The following VPS13A variants were observed in gnomAD, a reference collection of about 807,000 sequenced individuals.
The protein encoded by VPS13A is intermembrane lipid transfer protein VPS13A.
Under a neutral mutation model 390.9 loss-of-function variants are expected in VPS13A, and 264 were observed. The ratio of observed to expected loss-of-function variants is 0.68; its 90% CI spans 0.61 to 0.75. The LOEUF (loss-of-function observed/expected upper bound fraction) is 0.75. Ranked by LOEUF, VPS13A falls within the 30% of genes least tolerant of loss-of-function variation. The pLI is 0.00. For synonymous variants in VPS13A, 1,231 were observed against 1,227.1 expected, an observed-to-expected ratio of 1.00 and a Z score of -0.07; for missense variants, 3,409 against 3,733.9, an observed-to-expected ratio of 0.91 and a Z score of 2.27.
At chr9:77,412,952 A>G (rs1378458721) in intron 71 of VPS13A, among the ~76,000 whole-genome samples, 1 of 152,148 alleles carries the variant, frequency 6.6e-6, no homozygotes, top group South Asian at 2.1e-4. Context: ...TTATACACCA[A>G]TAACAGACAG....
intron 10 of VPS13A, 107 bp from the exon 11 acceptor site, chr9:77,219,846 GA>G (rs1823087330): frequency 8.7e-7 from 1 of 1,149,844 alleles, no homozygotes; most frequent in African/African-American, 1.5e-5. Context: ...GGGAACTGTA[GA>G]AGGGGTATAA....
chr9:77,376,554 AAG>A (rs1388423330), intron 67 of VPS13A, among the ~76,000 whole-genome samples: 3 of 152,252 alleles, frequency 2.0e-5, no homozygotes, highest in Non-Finnish European at 2.9e-5. Flanking sequence ...ATATGAAAGA[AAG>A]AGAATCGTGA....
At position 77,191,603 on chromosome 9, in the gene VPS13A, G is replaced by A. The variant is rs144674268; in HGVS notation, c.101-8342G>A. Among the ~76,000 whole-genome samples the A allele has an allele frequency of 6.7e-3, 1,019 of 152,190 alleles. 7 individuals are homozygous for A. The highest frequency in any genetic ancestry group is 0.014 in the Middle Eastern group (4 of 294). On this transcript the variant is annotated intron_variant, in intron 1 of 71. Coordinates refer to ENST00000360280, the MANE Select transcript of VPS13A (RefSeq NM_033305.3). ...CATGAGCCACCGTGCCTGGCCCAAAGAATTTCTGGATTTCAGTGAAATTAA... is the reference window on the plus strand; with the variant it reads ...CATGAGCCACCGTGCCTGGCCCAAAAAATTTCTGGATTTCAGTGAAATTAA...
Position 77,221,361 on chromosome 9 carries a change from G to A in VPS13A, c.1161+5G>A. The A allele has an allele frequency of 6.2e-7, 1 of 1,612,026 alleles. No individual in the cohort carries two copies. Among genetic ancestry groups the A allele is most frequent in the Non-Finnish European group, 8.5e-7 (1 of 1,179,134 alleles). On this transcript the variant is annotated splice_donor_5th_base_variant and intron_variant, in intron 13 of 71. Transcript: ENST00000360280. ...GAACTTCTCGTGTCTTTGGAGGTTA[G>A]CATTTAAAATGAAATTGTTGAGTGT...
At chr9:77,302,368 C>CTTTTTTTTTTTTT (rs58598132) in intron 33 of VPS13A, among the ~76,000 whole-genome samples, 1 of 117,816 alleles carries the variant, frequency 8.5e-6, no homozygotes. Flanking sequence ...TATTTTTCCC[C>CTTTTTTTTTTTTT]TTTTTTTTTT....
At chr9:77,234,989 G>A (rs148900769) in intron 17 of VPS13A, among the ~76,000 whole-genome samples, 1 of 152,118 alleles carries the variant, frequency 6.6e-6, no homozygotes, top group African/African-American at 2.4e-5. Flanking sequence ...ACAAATTACT[G>A]CTTTACATAC....
chr9:77,232,988 A>C (rs920996621), intron 17 of VPS13A, among the ~76,000 whole-genome samples: 5 of 152,216 alleles, frequency 3.3e-5, no homozygotes, highest in South Asian at 2.1e-4. Context: ...AAGTTTTACT[A>C]TACTAAAGTT....
At chr9:77,294,314 G>A (rs1827851084) in intron 32 of VPS13A, among the ~76,000 whole-genome samples, 1 of 152,120 alleles carries the variant, frequency 6.6e-6, no homozygotes, top group African/African-American at 2.4e-5. Context: ...AGGCATTTCG[G>A]TTCTTATTTC....
At chr9:77,282,955 C>T (rs1239053314) in intron 29 of VPS13A, among the ~76,000 whole-genome samples, 2 of 137,752 alleles carry the variant, frequency 1.5e-5, no homozygotes, top group African/African-American at 5.5e-5. Flanking sequence ...GACTCTGTTT[C>T]GAAAAAAAAA....
At chr9:77,394,212 G>A (rs1171346150) in intron 68 of VPS13A, among the ~76,000 whole-genome samples, 3 of 150,406 alleles carry the variant, frequency 2.0e-5, no homozygotes, top group Non-Finnish European at 4.4e-5. Context: ...CTACAGGCAT[G>A]TGCCACCACA....
In VPS13A at chr9:77,244,468, A is replaced by T. The variant is rs955526615; in HGVS notation, c.1901-2791A>T. On this transcript the variant is annotated intron_variant, in intron 19 of 71. Transcript: ENST00000360280. ...TCTGAGGTAAAAAGGAAAAATATTC[A>T]TGGGGCAATGTCTCACTGCCCTCGT... Among the ~76,000 whole-genome samples the T allele has an allele frequency of 4.6e-5, 7 of 152,034 alleles. No individual in the cohort carries two copies. In the South Asian group the frequency reaches 1.5e-3, roughly 32 times the overall value.
chr9:77,357,725 A>G lies in VPS13A; in HGVS notation c.7840A>G (p.Ile2614Val). The change falls in exon 56 of 72, where the codon ATT (isoleucine) becomes GTT (valine). Residue 2614 changes from isoleucine to valine, a missense_variant. This residue lies in a region of VPS13A where 221 missense variants were observed against 300.7 expected (regional missense o/e 0.73). Coordinates refer to ENST00000360280, the MANE Select transcript of VPS13A (RefSeq NM_033305.3). ...RLTPTGHNMK[I>V]LQPHVIALRR... ...AACCCCTACTGGTCATAACATGAAA[A>G]TTCTGCAGCCGCATGTAATAGCTCT... 1 of 1,614,008 alleles carries G rather than the reference A, an allele frequency of 6.2e-7. No homozygotes were observed. The highest frequency in any genetic ancestry group is 8.5e-7 in the Non-Finnish European group (1 of 1,180,002).
intron 53 of VPS13A, among the ~76,000 whole-genome samples, chr9:77,353,103 A>G (rs1423185318): frequency 2.6e-5 from 4 of 152,136 alleles, no homozygotes; most frequent in Non-Finnish European, 5.9e-5. Flanking sequence ...AAAGCAGAAA[A>G]AAATACTTTG....
chr9:77,380,351 C>T (rs906522730), intron 67 of VPS13A, among the ~76,000 whole-genome samples: 2 of 151,826 alleles, frequency 1.3e-5, no homozygotes, highest in Non-Finnish European at 2.9e-5. Flanking sequence ...CTCGCTGTGT[C>T]GCCCAGGCTG....
intron 68 of VPS13A, among the ~76,000 whole-genome samples, chr9:77,384,102 T>C (rs893631625): frequency 6.6e-6 from 1 of 151,662 alleles, no homozygotes; most frequent in Non-Finnish European, 1.5e-5. Flanking sequence ...AGATTTTATG[T>C]AAGTGATATA....
Position 77,314,062 on chromosome 9 carries a change from C to T in VPS13A, c.4185C>T (p.Asn1395=), listed in dbSNP as rs773982653. 10 of 1,613,352 alleles carry T rather than the reference C, an allele frequency of 6.2e-6. No individual in the cohort carries two copies. Among genetic ancestry groups the T allele is most frequent in the Non-Finnish European group, 8.5e-6 (10 of 1,179,572 alleles). The part of the protein sequence containing the change: ...SRALLVKTTL[N]ISFKTDDLTM... ...CCTTACTAGTTAAGACAACACTAAA[C>T]ATAAGCTTCAAAACTGATGATCTCA... is the stretch of plus-strand genomic sequence containing the variant. The change falls in exon 36 of 72, where the codon AAC becomes AAT. Residue 1395 remains asparagine (N), a synonymous_variant. Transcript: ENST00000360280.
At position 77,226,056 on chromosome 9, in the gene VPS13A, T is replaced by G. The variant is rs1012046150; in HGVS notation, c.1224+68T>G. ...CATATAGATATGACAGATGTGATATTATTAATCTTATACTGTAACATATTG... is the reference window on the plus strand; with the variant it reads ...CATATAGATATGACAGATGTGATATGATTAATCTTATACTGTAACATATTG... On this transcript the variant is annotated intron_variant, in intron 14 of 71. Coordinates refer to ENST00000360280, the MANE Select transcript of VPS13A (RefSeq NM_033305.3). 10 of 1,385,430 alleles carry G rather than the reference T, an allele frequency of 7.2e-6. No individual in the cohort carries two copies. In the African/African-American group the frequency reaches 1.3e-4, roughly 18 times the overall value. 85.8% of individuals were successfully genotyped at this position (1,385,430 alleles called of 1,614,324 possible). A position where few individuals can be genotyped will look rare whatever the true frequency, so the allele number is the denominator to read the frequency against.
At chr9:77,207,227 ATATATATATATATATATATATATAT>A (rs1564630183) in intron 5 of VPS13A, among the ~76,000 whole-genome samples, 2 of 96,128 alleles carry the variant, frequency 2.1e-5, no homozygotes, top group African/African-American at 3.2e-5. Flanking sequence ...ATATATATAT[ATATATATATATATATATATATATAT>A]AAAACGTGTT....
chr9:77,277,793 C>T (rs72744274), intron 26 of VPS13A, among the ~76,000 whole-genome samples: 7,689 of 152,174 alleles, frequency 0.051, 296 homozygotes, highest in Middle Eastern at 0.078. Context: ...TCTGGATGCA[C>T]CACAGTTTAT....
Sources: allele counts gnomAD v4.1 joint callset (sites outside exome capture counted in the v4.1 genomes callset), GRCh38; gene constraint gnomAD v4.1.1; regional missense constraint gnomAD v4.1.1; transcripts MANE v1.5; gene names NCBI Gene and HGNC (gene_info 2026-07-23, HGNC 2026-07-21).